Variants in GRID2 observed in about 807,000 individuals in gnomAD.
The protein encoded by GRID2 is glutamate receptor ionotropic, delta-2.
A neutral mutation model predicts 114.8 loss-of-function variants in GRID2; 33 were observed. The observed-to-expected ratio is 0.29, with a 90% CI of 0.22 to 0.38. GRID2 has a LOEUF of 0.38. GRID2 is among the 10% of genes least tolerant of loss of function. The pLI is 1.00. For synonymous variants in GRID2, 505 were observed against 449.9 expected, an observed-to-expected ratio of 1.12 and a Z score of -1.55; for missense variants, 1,184 against 1,257.7, an observed-to-expected ratio of 0.94 and a Z score of 0.89.
chr4:92,980,539 C>T (rs538882161), intron 2 of GRID2, among the ~76,000 whole-genome samples: 1 of 152,082 alleles, frequency 6.6e-6, no homozygotes, highest in African/African-American at 2.4e-5. Flanking sequence ...CTAGAATATG[C>T]ATCCCTTATA....
In GRID2 at chr4:92,748,207, T is replaced by C. The variant is rs1737251509; in HGVS notation, c.244+157921T>C. Among the ~76,000 whole-genome samples, 3 of 152,192 alleles carry C rather than the reference T, an allele frequency of 2.0e-5. No individual in the cohort carries two copies. The South Asian group carries it at 6.2e-4, about 31-fold the overall frequency. On this transcript the variant is annotated intron_variant, in intron 2 of 15. Transcript: ENST00000282020. The stretch of plus-strand genomic sequence containing the variant: ...TTCCCATCTCAATATTTAAGGCATG[T>C]ATTAGAAAAATATAACAGCTAAGGT...
chr4:93,666,145 A>C (rs2149744515), intron 14 of GRID2, among the ~76,000 whole-genome samples: 1 of 152,184 alleles, frequency 6.6e-6, no homozygotes, highest in South Asian at 2.1e-4. Flanking sequence ...TAAAAGTATG[A>C]CCTTTTAGTT....
At chr4:93,084,926 G>C in intron 2 of GRID2, 69 bp from the exon 3 acceptor site, 1 of 1,214,190 alleles carries the variant, frequency 8.2e-7, no homozygotes, top group Admixed American at 1.8e-5. Flanking sequence ...TATCCATCCA[G>C]TGCTTCTCAA....
At chr4:92,651,479 T>C (rs576455803) in intron 2 of GRID2, among the ~76,000 whole-genome samples, 4 of 152,174 alleles carry the variant, frequency 2.6e-5, no homozygotes, top group Non-Finnish European at 5.9e-5. Context: ...GACTGACTGG[T>C]ATCTATATAA....
intron 14 of GRID2, among the ~76,000 whole-genome samples, chr4:93,766,921 A>T (rs1216618794): frequency 3.3e-5 from 5 of 152,208 alleles, no homozygotes; most frequent in Non-Finnish European, 4.4e-5. Flanking sequence ...CCTCTTGCAT[A>T]ACTGAAGCTT....
intron 13 of GRID2, among the ~76,000 whole-genome samples, chr4:93,576,303 C>T (rs1736413564): frequency 6.6e-6 from 1 of 152,100 alleles, no homozygotes; most frequent in Non-Finnish European, 1.5e-5. Flanking sequence ...AATTTTACTG[C>T]CTTATGGGCA....
At chr4:92,528,955 TCTC>T (rs1490055101) in intron 1 of GRID2, among the ~76,000 whole-genome samples, 1 of 151,492 alleles carries the variant, frequency 6.6e-6, no homozygotes, top group Non-Finnish European at 1.5e-5. Flanking sequence ...AGCAGAGTAA[TCTC>T]CTTAGAACAT....
At chr4:93,406,018 A>T (rs950444087) in intron 9 of GRID2, among the ~76,000 whole-genome samples, 1 of 152,098 alleles carries the variant, frequency 6.6e-6, no homozygotes, top group African/African-American at 2.4e-5. Context: ...AACCTTTAAG[A>T]TTATTAATTT....
intron 4 of GRID2, among the ~76,000 whole-genome samples, chr4:93,168,919 A>G (rs1420713204): frequency 6.6e-6 from 1 of 152,158 alleles, no homozygotes; most frequent in Non-Finnish European, 1.5e-5. Context: ...TGGTAGGATA[A>G]CAATTAAAAT....
chr4:92,798,141 A>G (rs1422892304), intron 2 of GRID2, among the ~76,000 whole-genome samples: 1 of 151,846 alleles, frequency 6.6e-6, no homozygotes, highest in Admixed American at 6.6e-5. Context: ...TTGAAATGCT[A>G]TTTTCTATAT....
At chr4:93,084,893 C>G in intron 2 of GRID2, 102 bp from the exon 3 acceptor site, 1 of 769,278 alleles carries the variant, frequency 1.3e-6, no homozygotes, top group Admixed American at 2.7e-5. Flanking sequence ...ATTTTCATAG[C>G]TATATAAAAA....
intron 14 of GRID2, among the ~76,000 whole-genome samples, chr4:93,712,891 T>C (rs1297900670): frequency 6.6e-6 from 1 of 152,140 alleles, no homozygotes; most frequent in Non-Finnish European, 1.5e-5. Context: ...GCTTCTTCCA[T>C]CCAATTTGTA....
chr4:92,322,651 A>C (rs968359880), intron 1 of GRID2, among the ~76,000 whole-genome samples: 9 of 152,142 alleles, frequency 5.9e-5, no homozygotes, highest in Non-Finnish European at 1.3e-4. Context: ...CTAGTATTAG[A>C]ATACTGCCTA....
intron 2 of GRID2, among the ~76,000 whole-genome samples, chr4:92,627,868 T>G (rs929140405): frequency 1.3e-5 from 2 of 152,178 alleles, no homozygotes; most frequent in Non-Finnish European, 2.9e-5. Flanking sequence ...TGTTTGCTGA[T>G]TTCCATAAGT....
intron 14 of GRID2, among the ~76,000 whole-genome samples, chr4:93,688,034 G>A (rs1726226014): frequency 6.6e-6 from 1 of 151,888 alleles, no homozygotes; most frequent in Non-Finnish European, 1.5e-5. Flanking sequence ...AGCCACCTAT[G>A]CAGGTGCAAC....
chr4:92,890,568 A>T (rs888616060), intron 2 of GRID2, among the ~76,000 whole-genome samples: 1 of 152,228 alleles, frequency 6.6e-6, no homozygotes, highest in East Asian at 1.9e-4. Context: ...ATGAGATGCC[A>T]TCACACGCCA....
chr4:92,689,842 C>G, intron 2 of GRID2, among the ~76,000 whole-genome samples: 1 of 152,152 alleles, frequency 6.6e-6, no homozygotes, highest in African/African-American at 2.4e-5. Flanking sequence ...CATGAACCAA[C>G]CTCTGTTAGC....
At chr4:93,724,159 C>T (rs949309941) in intron 14 of GRID2, among the ~76,000 whole-genome samples, 7 of 152,288 alleles carry the variant, frequency 4.6e-5, no homozygotes, top group African/African-American at 1.7e-4. Context: ...TTTCCTCAAA[C>T]TTCTGTAATA....
chr4:93,593,353 T>G (rs1738622991), intron 13 of GRID2, among the ~76,000 whole-genome samples: 1 of 139,044 alleles, frequency 7.2e-6, no homozygotes, highest in Admixed American at 7.4e-5. Flanking sequence ...GGTTGAAAAT[T>G]CTTTTCTTTA....
Sources: allele counts gnomAD v4.1 joint callset (sites outside exome capture counted in the v4.1 genomes callset), GRCh38; gene constraint gnomAD v4.1.1; transcripts MANE v1.5; gene names NCBI Gene and HGNC (gene_info 2026-07-23, HGNC 2026-07-21).